The following SIRT6 variants were observed in gnomAD, a reference collection of about 807,000 sequenced individuals.
SIRT6 encodes the protein sirtuin 6, also known as NAD-dependent protein deacylase sirtuin-6.
Under a neutral mutation model 33.6 loss-of-function variants are expected in SIRT6, and 21 were observed. The observed-to-expected ratio is 0.62, with a 90% confidence interval of 0.44 to 0.90. The LOEUF (loss-of-function observed/expected upper bound fraction) is 0.90. SIRT6 is among the 40% of genes least tolerant of loss of function. The pLI, the probability that SIRT6 is intolerant of heterozygous loss-of-function variation, is 0.00. For synonymous variants in SIRT6, 221 were observed against 223.9 expected (o/e 0.99, Z 0.12); for missense variants, 504 against 510.6 (o/e 0.99, Z 0.12).
chr19:4,174,902 G>T lies in SIRT6; in HGVS notation c.783C>A (p.Val261=). The stretch of plus-strand genomic sequence containing the variant: ...CCAGGTGCTTCATGAGCCGGGTCAT[G>T]ACCTCGTCAACGTAGCCATGGATGC... The part of the protein sequence containing the change: ...DLRIHGYVDE[V]MTRLMKHLGL... The change falls in exon 8 of 8, where the codon GTC becomes GTA. Residue 261 remains valine (V), a synonymous_variant. Transcript: ENST00000337491. The surrounding 1 kb of genome is among the most constrained non-coding windows in gnomAD (Gnocchi z 4.2). 2 of 1,604,354 alleles carry T rather than the reference G, an allele frequency of 1.2e-6. No individual in the cohort carries two copies. Among genetic ancestry groups the T allele is most frequent in the South Asian group, 1.1e-5 (1 of 91,050 alleles).
rs1967162919 is a variant in SIRT6 at position 4,174,574 on chromosome 19, C to T, written c.*43G>A. 7.2e-7 allele frequency: 1 copy of T among 1,389,658 alleles called. No homozygotes were observed. The highest frequency in any genetic ancestry group is 9.4e-7 in the Non-Finnish European group (1 of 1,059,076). The allele number at this position is 1,389,658 out of a possible 1,614,324, so 86.1% of individuals were successfully genotyped here. On this transcript the variant is annotated 3_prime_UTR_variant, in exon 8 of 8. Coordinates refer to ENST00000337491, the MANE Select transcript of SIRT6 (RefSeq NM_016539.4). This position sits in a 1 kb window ranked among gnomAD's most constrained non-coding sequence, Gnocchi z 4.2. ...AGTGAGACCACGAGAGAAAAAGAAT[C>T]CACAGTTTCTACAAAAAGCCCCACC...
chr19:4,179,230 G>T lies in SIRT6; in HGVS notation c.251C>A (p.Thr84Asn), dbSNP rs747816216. 5.0e-6 allele frequency: 8 copies of T among 1,610,520 alleles called. No individual in the cohort carries two copies. Among genetic ancestry groups the T allele is most frequent in the South Asian group, 2.2e-5 (2 of 90,248 alleles). ...CGTGGGCCGCGCGCTCTCAAAGGTG[G>T]TGTCGAACTTGGGGGCCAGACCTCG... Reference protein sequence around the residue: ...EERGLAPKFDTTFESARPTQT... With the variant: ...EERGLAPKFDNTFESARPTQT... The change falls in exon 3 of 8, where the codon ACC becomes AAC. Residue 84 changes from threonine to asparagine, a missense_variant. Thr to Asn is a moderately conservative substitution (Grantham distance 65). Coordinates refer to ENST00000337491, the MANE Select transcript of SIRT6 (RefSeq NM_016539.4).
chr19:4,179,093 C>T lies in SIRT6; in HGVS notation c.377+11G>A. On this transcript the variant is annotated intron_variant, in intron 3 of 7. Transcript: ENST00000337491. Reference sequence around the variant, plus strand: ...CCAAGCTCTTTTGTGGGGGCGGGGCCAGGGTGTTACCTGGGGAAGCCTGAG... The same window carrying T: ...CCAAGCTCTTTTGTGGGGGCGGGGCTAGGGTGTTACCTGGGGAAGCCTGAG... 1 of 1,610,858 alleles carries T rather than the reference C, an allele frequency of 6.2e-7. No homozygotes were observed. The highest frequency in any genetic ancestry group is 2.2e-5 in the East Asian group (1 of 44,868).
Position 4,177,092 on chromosome 19 carries a change from C to T in SIRT6, c.424G>A (p.Ala142Thr), listed in dbSNP as rs1967350847. Residue 142 changes from alanine (A) to threonine (T), a missense_variant, in exon 4 of 8, where the codon GCC becomes ACC. Coordinates refer to ENST00000337491, the MANE Select transcript of SIRT6 (RefSeq NM_016539.4). Reference protein sequence around the residue: ...LHGNMFVEECAKCKTQYVRDT... With the variant: ...LHGNMFVEECTKCKTQYVRDT... ...GGTGGCACTCACGTCTTACACTTGG[C>T]ACATTCTTCCACAAACATGTTCCCG... 6.2e-7 allele frequency: 1 copy of T among 1,613,860 alleles called. No individual in the cohort carries two copies. Among genetic ancestry groups the T allele is most frequent in the Non-Finnish European group, 8.5e-7 (1 of 1,179,960 alleles).
intron 2 of SIRT6, chr19:4,179,592 C>A: frequency 4.5e-6 from 2 of 448,820 alleles, no homozygotes; most frequent in Middle Eastern, 5.9e-4. Context: ...CACACGAAGG[C>A]AAAAATGACT....
chr19:4,178,652 C>T (rs1324433464), intron 3 of SIRT6, among the ~76,000 whole-genome samples: 3 of 152,138 alleles, frequency 2.0e-5, no homozygotes, highest in African/African-American at 4.8e-5. Flanking sequence ...GAGTTCAAGA[C>T]CAGCCTGGCC....
At position 4,174,648 on chromosome 19, in the gene SIRT6, T is replaced by C. The variant is rs201974715; in HGVS notation, c.1037A>G (p.Lys346Arg). ...GGGGACCGCCTTGGCCTTCACCCTT[T>C]TGGGGGGTCTGTGGGGGGCAGGGCT... ...PTSPAPHRPPKRVKAKAVPS is the reference protein window; with the variant it reads ...PTSPAPHRPPRRVKAKAVPS The change falls in exon 8 of 8, where the codon AAA becomes AGA. Residue 346 changes from lysine (K) to arginine (R), a missense_variant. By Grantham distance (26) the Lys-to-Arg change is conservative (BLOSUM62 2). Transcript: ENST00000337491. The surrounding 1 kb of genome is among the most constrained non-coding windows in gnomAD (Gnocchi z 4.2). 7.2e-4 allele frequency: 1,038 copies of C among 1,451,096 alleles called. 1 individual carries two copies. Among genetic ancestry groups the C allele is most frequent in the Non-Finnish European group, 8.8e-4 (968 of 1,099,326 alleles). 89.9% of individuals were successfully genotyped at this position (1,451,096 alleles called of 1,614,324 possible). A position where few individuals can be genotyped will look rare whatever the true frequency, so the allele number is the denominator to read the frequency against.
At chr19:4,175,388 C>T (rs1967232701) in intron 6 of SIRT6, 1 of 649,212 alleles carries the variant, frequency 1.5e-6, no homozygotes, top group East Asian at 2.8e-5. Context: ...GTGGTAAGAG[C>T]TTGGACACCT....
rs201529031 is a variant in SIRT6 at position 4,174,436 on chromosome 19, C to T, written c.*181G>A. 28 of 503,304 alleles carry T rather than the reference C, an allele frequency of 5.6e-5. No homozygotes were observed. Among genetic ancestry groups the T allele is most frequent in the East Asian group, 3.4e-4 (10 of 29,730 alleles). The allele number at this position is 503,304 out of a possible 1,614,324, so 31.2% of individuals were successfully genotyped here. Reference sequence around the variant, plus strand: ...CTGGGGTGTGGCTTCTTCCCGGAACCGCACCAGAGGCCCCTGGAGCCCAGG... The same window carrying T: ...CTGGGGTGTGGCTTCTTCCCGGAACTGCACCAGAGGCCCCTGGAGCCCAGG... On this transcript the variant is annotated 3_prime_UTR_variant, in exon 8 of 8. Coordinates refer to ENST00000337491, the MANE Select transcript of SIRT6 (RefSeq NM_016539.4). This position sits in a 1 kb window ranked among gnomAD's most constrained non-coding sequence, Gnocchi z 4.2.
chr19:4,179,839 T>C (rs986306768), intron 2 of SIRT6, among the ~76,000 whole-genome samples: 2 of 151,470 alleles, frequency 1.3e-5, no homozygotes, highest in South Asian at 2.1e-4. Flanking sequence ...TCTTGAAGGG[T>C]GAGAGGGAAG....
chr19:4,177,833 A>T (rs546582085), intron 3 of SIRT6, among the ~76,000 whole-genome samples: 100 of 151,408 alleles, frequency 6.6e-4, no homozygotes, highest in Non-Finnish European at 1.1e-3. Context: ...CTTGTGATCC[A>T]CCCGCCTCGG....
intron 2 of SIRT6, among the ~76,000 whole-genome samples, chr19:4,179,995 A>G (rs909902037): frequency 6.6e-6 from 1 of 151,518 alleles, no homozygotes; most frequent in African/African-American, 2.4e-5. Context: ...GAAGGGCTTC[A>G]GCTTCCAGCA....
In SIRT6 at chr19:4,180,923, G is replaced by T; in HGVS notation, c.67-14C>A. Reference sequence around the variant, plus strand: ...GGGGTCGAAGATCTGTGGGGGGAGAGAGCAGACGGAGGGGTCAAAACAGTT... The same window carrying T: ...GGGGTCGAAGATCTGTGGGGGGAGATAGCAGACGGAGGGGTCAAAACAGTT... On this transcript the variant is annotated splice_polypyrimidine_tract_variant and intron_variant, in intron 1 of 7. Transcript: ENST00000337491. 6 of 1,602,628 alleles carry T rather than the reference G, an allele frequency of 3.7e-6. No individual in the cohort carries two copies. In the South Asian group the frequency reaches 4.5e-5, roughly 12 times the overall value.
At chr19:4,180,548 T>G in intron 2 of SIRT6, 6 of 388,552 alleles carry the variant, frequency 1.5e-5, no homozygotes, top group East Asian at 4.5e-5. Flanking sequence ...AACTGGCTAA[T>G]TTTTGTATTT....
chr19:4,174,898 T>A lies in SIRT6; in HGVS notation c.787A>T (p.Thr263Ser). 1 of 1,603,758 alleles carries A rather than the reference T, an allele frequency of 6.2e-7. No individual in the cohort carries two copies. Among genetic ancestry groups the A allele is most frequent in the Non-Finnish European group, 8.5e-7 (1 of 1,179,728 alleles). ...RIHGYVDEVM[T>S]RLMKHLGLEI... ...AGCCCCAGGTGCTTCATGAGCCGGG[T>A]CATGACCTCGTCAACGTAGCCATGG... The change falls in exon 8 of 8, where the codon ACC becomes TCC. Residue 263 changes from threonine to serine, a missense_variant. Physicochemically the swap from Thr to Ser is moderately conservative, Grantham distance 58. Coordinates refer to ENST00000337491, the MANE Select transcript of SIRT6 (RefSeq NM_016539.4). This position sits in a 1 kb window ranked among gnomAD's most constrained non-coding sequence, Gnocchi z 4.2.
In SIRT6 at chr19:4,175,873, C is replaced by T. The variant is rs200763275; in HGVS notation, c.502G>A (p.Val168Met). The T allele has an allele frequency of 1.3e-5, 20 of 1,565,952 alleles. No homozygotes were observed. The Admixed American group carries it at 1.7e-4, about 13-fold the overall frequency. The change falls in exon 5 of 8, where the codon GTG becomes ATG. Residue 168 changes from valine to methionine, a missense_variant. Val to Met is a conservative substitution (Grantham distance 21). Coordinates refer to ENST00000337491, the MANE Select transcript of SIRT6 (RefSeq NM_016539.4). ...GCTCGCAGCCCCCTTGCCTTAGCCA[C>T]GGTGCAGAGCCGGCCCGTGGCCTTC... ...GLKATGRLCT[V>M]AKARGLRACR...
Position 4,177,060 on chromosome 19 carries a change from G to A in SIRT6, c.437+19C>T. On this transcript the variant is annotated intron_variant, in intron 4 of 7. Coordinates refer to ENST00000337491, the MANE Select transcript of SIRT6 (RefSeq NM_016539.4). ...CCCCTCTGGCAGAGCCCCCACCCCT[G>A]CACCCAGGTGGCACTCACGTCTTAC... The A allele has an allele frequency of 1.9e-6, 3 of 1,610,932 alleles. No homozygotes were observed. Among genetic ancestry groups the A allele is most frequent in the Non-Finnish European group, 2.5e-6 (3 of 1,177,970 alleles).
At chr19:4,180,075 G>A (rs933775776) in intron 2 of SIRT6, among the ~76,000 whole-genome samples, 1 of 149,324 alleles carries the variant, frequency 6.7e-6, no homozygotes, top group Non-Finnish European at 1.5e-5. Context: ...GGAGAAGGAG[G>A]AGAAATTCAC....
At chr19:4,177,008 T>C in intron 4 of SIRT6, 71 bp downstream of exon 4, 2 of 1,377,470 alleles carry the variant, frequency 1.5e-6, no homozygotes, top group Non-Finnish European at 2.0e-6. Flanking sequence ...CCTCTGGGTC[T>C]CTGGGACATC....
Sources: allele counts gnomAD v4.1 joint callset (sites outside exome capture counted in the v4.1 genomes callset), GRCh38; gene constraint gnomAD v4.1.1; non-coding constraint Gnocchi (gnomAD v3.1); transcripts MANE v1.5; gene names NCBI Gene and HGNC (gene_info 2026-07-23, HGNC 2026-07-21).